Variants in DOLPP1 observed in about 807,000 individuals in gnomAD.
DOLPP1 encodes dolichyldiphosphatase 1.
In DOLPP1, 15 loss-of-function variants were observed where a neutral mutation model predicts 34.1. The ratio of observed to expected loss-of-function variants is 0.44; its 90% CI spans 0.29 to 0.68. The LOEUF is 0.68. Ranked by LOEUF, DOLPP1 falls within the 30% of genes least tolerant of loss-of-function variation. The pLI is 0.12. For synonymous variants in DOLPP1, 130 were observed against 128.2 expected, an observed-to-expected ratio of 1.01 and a Z score of -0.10; for missense variants, 249 against 307.1, an observed-to-expected ratio of 0.81 and a Z score of 1.41.
intron 6 of DOLPP1, 90 bp downstream of exon 6, chr9:129,086,357 C>T (rs1321466407): frequency 2.0e-6 from 3 of 1,482,918 alleles, no homozygotes; most frequent in Non-Finnish European, 2.7e-6. Context: ...GTCTTGACCC[C>T]AGCCCCTGTC....
At chr9:129,087,233 A>T (rs192654130) in intron 7 of DOLPP1, among the ~76,000 whole-genome samples, 16 of 152,032 alleles carry the variant, frequency 1.1e-4, no homozygotes, top group African/African-American at 3.4e-4. Flanking sequence ...TGAGCTTTGG[A>T]GACTCCTGAC....
At chr9:129,087,382 C>A (rs1271627650) in intron 7 of DOLPP1, among the ~76,000 whole-genome samples, 1 of 147,074 alleles carries the variant, frequency 6.8e-6, no homozygotes, top group East Asian at 2.0e-4. Flanking sequence ...GTGGCGCGAT[C>A]TCGGCTCACT....
At position 129,085,708 on chromosome 9, in the gene DOLPP1, C is replaced by A; in HGVS notation, c.461+92C>A. 1 of 1,017,718 alleles carries A rather than the reference C, an allele frequency of 9.8e-7. No individual in the cohort carries two copies. The highest frequency in any genetic ancestry group is 1.4e-6 in the Non-Finnish European group (1 of 693,054). 63.0% of individuals were successfully genotyped at this position (1,017,718 alleles called of 1,614,324 possible). A position where few individuals can be genotyped will look rare whatever the true frequency, so the allele number is the denominator to read the frequency against. On this transcript the variant is annotated intron_variant, in intron 5 of 7. Coordinates refer to ENST00000372546, the MANE Select transcript of DOLPP1 (RefSeq NM_020438.5). The surrounding 1 kb of genome is among the most constrained non-coding windows in gnomAD (Gnocchi z 7.0). The stretch of plus-strand genomic sequence containing the variant: ...GTCGGACCCCACCATGGACCCTAGT[C>A]CCAGAACCTGTAGTGCAGGACTGGA...
Position 129,089,157 on chromosome 9 carries a change from A to G in DOLPP1, c.*150A>G. 1 of 734,962 alleles carries G rather than the reference A, an allele frequency of 1.4e-6. No homozygotes were observed. Among genetic ancestry groups the G allele is most frequent in the Non-Finnish European group, 2.2e-6 (1 of 458,928 alleles). The allele number at this position is 734,962 out of a possible 1,614,324, so 45.5% of individuals were successfully genotyped here. On this transcript the variant is annotated 3_prime_UTR_variant, in exon 8 of 8. Transcript: ENST00000372546. The surrounding 1 kb of genome is among the most constrained non-coding windows in gnomAD (Gnocchi z 4.9). ...TTTTTTCTTATTTTAATTTTAATGA[A>G]CAAGGTGGACCAAAGGGCTGAACCA... is the stretch of plus-strand genomic sequence containing the variant.
In DOLPP1 at chr9:129,084,710, C is replaced by G. The variant is rs781603451; in HGVS notation, c.119C>G (p.Pro40Arg). ...GHLLAYLSLS[P>R]VFVIVGFVTL... ...CTCCTTGCCTACCTGAGCCTCAGCCCTGTATTTGTCATCGTCGGTTTCGTG... is the reference window on the plus strand; with the variant it reads ...CTCCTTGCCTACCTGAGCCTCAGCCGTGTATTTGTCATCGTCGGTTTCGTG... The change falls in exon 2 of 8, where the codon CCT (proline) becomes CGT (arginine). Residue 40 changes from proline to arginine, a missense_variant. Pro to Arg is a moderately radical substitution (Grantham distance 103, BLOSUM62 -2). Transcript: ENST00000372546. 1.2e-6 allele frequency: 2 copies of G among 1,614,048 alleles called. No individual in the cohort carries two copies. Among genetic ancestry groups the G allele is most frequent in the Admixed American group, 3.3e-5 (2 of 60,012 alleles).
At chr9:129,088,297 C>T (rs748655274) in intron 7 of DOLPP1, among the ~76,000 whole-genome samples, 30 of 152,000 alleles carry the variant, frequency 2.0e-4, no homozygotes, top group Admixed American at 6.5e-5. Context: ...GGGCTGGAGC[C>T]CAGGGAGCAA....
intron 7 of DOLPP1, among the ~76,000 whole-genome samples, chr9:129,087,309 C>CT (rs1038263948): frequency 7.4e-5 from 7 of 94,156 alleles, no homozygotes; most frequent in African/African-American, 2.3e-4. Flanking sequence ...GCTGGCTTTT[C>CT]TTTTTTTTCT....
Position 129,082,841 on chromosome 9 carries a change from T to C in DOLPP1, c.76+1634T>C, listed in dbSNP as rs557029999. On this transcript the variant is annotated intron_variant, in intron 1 of 7. Transcript: ENST00000372546. ...GAGTGGGATATAAAGAGACCCTGTC[T>C]CTACTCCCAGATGCTGTCCTGATAT... Among the ~76,000 whole-genome samples the C allele has an allele frequency of 1.9e-3, 291 of 152,312 alleles. 4 individuals are homozygous for C. The highest frequency in any genetic ancestry group is 6.9e-3 in the African/African-American group (286 of 41,564).
In DOLPP1 at chr9:129,086,299, G is replaced by A. The variant is rs749704011; in HGVS notation, c.590+32G>A. 5.5e-5 allele frequency: 89 copies of A among 1,610,902 alleles called. 1 individual carries two copies. In the South Asian group the frequency reaches 8.5e-4, roughly 15 times the overall value. On this transcript the variant is annotated intron_variant, in intron 6 of 7. Coordinates refer to ENST00000372546, the MANE Select transcript of DOLPP1 (RefSeq NM_020438.5). Reference sequence around the variant, plus strand: ...GCCTCCTGCCTTCCTGGGCACTGTGGGCCCTGTCCCCTCCTGTGGGTGGGG... The same window carrying A: ...GCCTCCTGCCTTCCTGGGCACTGTGAGCCCTGTCCCCTCCTGTGGGTGGGG...
Position 129,085,567 on chromosome 9 carries a change from G to A in DOLPP1, c.412G>A (p.Val138Met), listed in dbSNP as rs139256216. The stretch of plus-strand genomic sequence containing the variant: ...GTTCCTGGACTTGCTGTGGAGGCAC[G>A]TGCTCTCCCTGGGACTCCTCGCTGT... ...ARFLDLLWRH[V>M]LSLGLLAVAF... Residue 138 changes from valine (V) to methionine (M), a missense_variant, in exon 5 of 8, where the codon GTG (valine) becomes ATG (methionine). Transcript: ENST00000372546. This position sits in a 1 kb window ranked among gnomAD's most constrained non-coding sequence, Gnocchi z 7.0. The A allele has an allele frequency of 5.4e-5, 87 of 1,613,588 alleles. No individual in the cohort carries two copies. The highest frequency in any genetic ancestry group is 6.8e-5 in the Non-Finnish European group (80 of 1,179,930).
At chr9:129,081,232 G>A (rs1846880130) in intron 1 of DOLPP1, 25 bp downstream of exon 1, 1 of 1,605,604 alleles carries the variant, frequency 6.2e-7, no homozygotes, top group Non-Finnish European at 8.5e-7. Context: ...CGGCTCCAAG[G>A]ACGCCTTCCC....
At position 129,085,651 on chromosome 9, in the gene DOLPP1, C is replaced by T; in HGVS notation, c.461+35C>T. On this transcript the variant is annotated intron_variant, in intron 5 of 7. Transcript: ENST00000372546. The surrounding 1 kb of genome is among the most constrained non-coding windows in gnomAD (Gnocchi z 7.0). ...AGGGAGAGCCCCTGCCTGCACCCTG[C>T]CCATGTGGGGTCCTGCTGGTTCCTG... The T allele has an allele frequency of 6.5e-7, 1 of 1,548,850 alleles. No individual in the cohort carries two copies. Among genetic ancestry groups the T allele is most frequent in the Non-Finnish European group, 8.8e-7 (1 of 1,132,072 alleles).
At chr9:129,081,921 G>A (rs1449717499) in intron 1 of DOLPP1, among the ~76,000 whole-genome samples, 1 of 152,224 alleles carries the variant, frequency 6.6e-6, no homozygotes, top group Non-Finnish European at 1.5e-5. Flanking sequence ...TTGAGGCTGA[G>A]GCCTTGTGCA....
At chr9:129,084,805 C>A in intron 2 of DOLPP1, 37 bp downstream of exon 2, 2 of 1,455,368 alleles carry the variant, frequency 1.4e-6, no homozygotes, top group Non-Finnish European at 1.9e-6. Flanking sequence ...CCACCCCACC[C>A]CCAGTGCCCC....
At chr9:129,082,140 G>A (rs778730808) in intron 1 of DOLPP1, among the ~76,000 whole-genome samples, 2 of 152,194 alleles carry the variant, frequency 1.3e-5, no homozygotes, top group Non-Finnish European at 2.9e-5. Flanking sequence ...TGAGTGCCAG[G>A]GAAGGCTGGA....
chr9:129,089,553 C>T lies in DOLPP1; in HGVS notation c.*546C>T. The T allele has an allele frequency of 6.4e-6, 1 of 156,818 alleles. No individual in the cohort carries two copies. The highest frequency in any genetic ancestry group is 1.9e-4 in the South Asian group (1 of 5,174). The allele number at this position is 156,818 out of a possible 1,614,324, so 9.7% of individuals were successfully genotyped here. On this transcript the variant is annotated 3_prime_UTR_variant, in exon 8 of 8. Coordinates refer to ENST00000372546, the MANE Select transcript of DOLPP1 (RefSeq NM_020438.5). This position sits in a 1 kb window ranked among gnomAD's most constrained non-coding sequence, Gnocchi z 4.9. ...GGCCTGGGTGCCAGGAGGAGGGGAGCATACCCCACACCCTCCCTGCCACCG... is the reference window on the plus strand; with the variant it reads ...GGCCTGGGTGCCAGGAGGAGGGGAGTATACCCCACACCCTCCCTGCCACCG...
rs1186497050 is a variant in DOLPP1, at chr9:129,089,523, G to GGGGTGGCCT, written c.*522_*530dup. On this transcript the variant is annotated 3_prime_UTR_variant, in exon 8 of 8. Coordinates refer to ENST00000372546, the MANE Select transcript of DOLPP1 (RefSeq NM_020438.5). The surrounding 1 kb of genome is among the most constrained non-coding windows in gnomAD (Gnocchi z 4.9). ...AGGGCAGACTGCCTCTCCCTGGGCCGGGGTGGCCTGGGTGCCAGGAGGAGG... is the reference window on the plus strand; with the variant it reads ...AGGGCAGACTGCCTCTCCCTGGGCCGGGGTGGCCTGGGTGGCCTGGGTGCCAGGAGGAGG... The GGGGTGGCCT allele has an allele frequency of 6.5e-6, 1 of 154,422 alleles. No homozygotes were observed. The highest frequency in any genetic ancestry group is 1.4e-5 in the Non-Finnish European group (1 of 69,208). The allele number at this position is 154,422 out of a possible 1,614,324, so 9.6% of individuals were successfully genotyped here.
chr9:129,085,014 C>A lies in DOLPP1; in HGVS notation c.178-9C>A. 1 of 1,557,750 alleles carries A rather than the reference C, an allele frequency of 6.4e-7. No homozygotes were observed. The highest frequency in any genetic ancestry group is 1.2e-5 in the South Asian group (1 of 81,034). Reference sequence around the variant, plus strand: ...AGAGGCCCAGCTGACCATGCGTCTTCCCCAGCAGATCTCCTTCCTTGGGGG... The same window carrying A: ...AGAGGCCCAGCTGACCATGCGTCTTACCCAGCAGATCTCCTTCCTTGGGGG... On this transcript the variant is annotated splice_polypyrimidine_tract_variant and intron_variant, in intron 2 of 7. Coordinates refer to ENST00000372546, the MANE Select transcript of DOLPP1 (RefSeq NM_020438.5). The surrounding 1 kb of genome is among the most constrained non-coding windows in gnomAD (Gnocchi z 7.0).
intron 7 of DOLPP1, 56 bp downstream of exon 7, chr9:129,086,854 C>G (rs1313645521): frequency 6.6e-7 from 1 of 1,519,040 alleles, no homozygotes; most frequent in Non-Finnish European, 9.1e-7. Flanking sequence ...CCTCTGCCTC[C>G]ATGTTTGGAG....
Sources: allele counts gnomAD v4.1 joint callset (sites outside exome capture counted in the v4.1 genomes callset), GRCh38; gene constraint gnomAD v4.1.1; non-coding constraint Gnocchi (gnomAD v3.1); transcripts MANE v1.5; gene names NCBI Gene and HGNC (gene_info 2026-07-23, HGNC 2026-07-21).